Variants in SCNN1D observed in about 807,000 individuals in gnomAD.
The protein encoded by SCNN1D is epithelial sodium channel subunit delta.
SCNN1D carries 104 observed loss-of-function variants against 87.8 expected under a neutral mutation model. That is an observed-to-expected ratio of 1.18 (90% confidence interval 1.01 to 1.39). The LOEUF is 1.39. SCNN1D is among the 40% of genes most tolerant of loss of function. SCNN1D has a pLI of 0.00. For synonymous variants in SCNN1D, 628 were observed against 481.2 expected (o/e 1.31, Z -3.99); for missense variants, 1,324 against 1,093.9 (o/e 1.21, Z -2.97).
chr1:1,283,203 C>T (rs551513270), intron 4 of SCNN1D, among the ~76,000 whole-genome samples: 29 of 152,276 alleles, frequency 1.9e-4, no homozygotes, highest in Admixed American at 3.9e-4. Flanking sequence ...TGTGCCTACT[C>T]GGGGGAGCAG....
At chr1:1,281,843 C>A in intron 3 of SCNN1D, 1 of 588,202 alleles carries the variant, frequency 1.7e-6, no homozygotes, top group Non-Finnish European at 3.0e-6. Context: ...GACCTGGGCT[C>A]TTTCTCTCTC....
intron 9 of SCNN1D, 64 bp downstream of exon 9, chr1:1,287,363 G>C: frequency 1.3e-6 from 2 of 1,500,842 alleles, no homozygotes; most frequent in Non-Finnish European, 1.8e-6. Flanking sequence ...CGCACCCCTG[G>C]GGTCCCTCTG....
intron 4 of SCNN1D, among the ~76,000 whole-genome samples, chr1:1,282,569 C>T (rs1159873743): frequency 2.6e-5 from 4 of 152,286 alleles, no homozygotes; most frequent in Middle Eastern, 3.4e-3. Context: ...CACACAACCG[C>T]ACTGGGGCTG....
Position 1,290,352 on chromosome 1 carries a change from GC to G in SCNN1D, c.1745del (p.Ala582ValfsTer65). The G allele has an allele frequency of 6.3e-7, 1 of 1,597,596 alleles. No individual in the cohort carries two copies. The highest frequency in any genetic ancestry group is 8.5e-7 in the Non-Finnish European group (1 of 1,170,370). On this transcript the variant is annotated frameshift_variant, in exon 13 of 18. Coordinates refer to ENST00000379116, the MANE Select transcript of SCNN1D (RefSeq NM_001130413.4). LOFTEE classifies it high-confidence loss of function. ...GYYLHPLPAGAEYCSSARHPA... is the reference protein window; with the variant it reads ...GYYLHPLPAGXEYCSSARHPA... ...CTACCTCCACCCTCTGCCGGCGGGG[GC>G]TGAGTACTGCAGCTCTGCCCGGCAC...
intron 14 of SCNN1D, 25 bp from the exon 15 acceptor site, chr1:1,290,612 G>C (rs1640775889): frequency 1.2e-6 from 2 of 1,612,628 alleles, no homozygotes; most frequent in Non-Finnish European, 1.7e-6. Context: ...TAGCGTGGCA[G>C]GTGACACCCG....
intron 1 of SCNN1D, 91 bp from the exon 2 acceptor site, chr1:1,281,135 G>C (rs1337517533): frequency 8.3e-7 from 1 of 1,211,990 alleles, no homozygotes; most frequent in Non-Finnish European, 1.2e-6. Context: ...GACCCTGAGT[G>C]GGGGACGCTC....
intron 4 of SCNN1D, 117 bp downstream of exon 4, chr1:1,282,432 G>A: frequency 1.6e-6 from 2 of 1,214,010 alleles, no homozygotes; most frequent in Non-Finnish European, 2.3e-6. Context: ...CAGGAACACA[G>A]AGCCTACCCT....
chr1:1,288,605 TCC>T (rs756870766), intron 12 of SCNN1D, among the ~76,000 whole-genome samples: 218 of 2,952 alleles, frequency 0.074, no homozygotes, highest in Middle Eastern at 0.17. Context: ...CTCTGCTCCG[TCC>T]CCCGTGTCTC....
Position 1,291,340 on chromosome 1 carries a change from G to A in SCNN1D, c.2139G>A (p.Leu713=), listed in dbSNP as rs1640808033. The change falls in exon 18 of 18, where the codon CTG becomes CTA. Residue 713 remains leucine, a synonymous_variant. Coordinates refer to ENST00000379116, the MANE Select transcript of SCNN1D (RefSeq NM_001130413.4). The stretch of plus-strand genomic sequence containing the variant: ...TCTCCCTCCTGGAGCTCCTGGAGCT[G>A]CTGCTCGATGCTTCTGCCCTCACCC... ...SVLSLLELLE[L]LLDASALTLV... The A allele has an allele frequency of 6.2e-7, 1 of 1,604,698 alleles. No homozygotes were observed.
Position 1,290,137 on chromosome 1 carries a change from T to C in SCNN1D, c.1663-134T>C, listed in dbSNP as rs912692177. The stretch of plus-strand genomic sequence containing the variant: ...GTGTCTCTGCTCCGTCCCCCGTGTC[T>C]CTGCTCCGTCCCGTGTCTCTGCTCC... On this transcript the variant is annotated intron_variant, in intron 12 of 17. Transcript: ENST00000379116. 1,388 of 490,420 alleles carry C rather than the reference T, an allele frequency of 2.8e-3. 14 individuals are homozygous for C. Among genetic ancestry groups the C allele is most frequent in the Middle Eastern group, 3.1e-3 (8 of 2,604 alleles). 30.4% of individuals were successfully genotyped at this position (490,420 alleles called of 1,614,324 possible).
intron 4 of SCNN1D, among the ~76,000 whole-genome samples, chr1:1,283,446 C>G (rs1204185058): frequency 6.6e-6 from 1 of 152,122 alleles, no homozygotes; most frequent in Non-Finnish European, 1.5e-5. Context: ...CGCCTGTAAT[C>G]CTAGCACTTC....
chr1:1,288,137 G>A (rs1390895092), intron 12 of SCNN1D, 100 bp downstream of exon 12: 1 of 902,584 alleles, frequency 1.1e-6, no homozygotes, highest in Non-Finnish European at 1.7e-6. Context: ...GAGTACTAGA[G>A]GGCCTGGGAA....
In SCNN1D at chr1:1,288,278, C is replaced by T. The variant is rs1390928261; in HGVS notation, c.1662+241C>T. On this transcript the variant is annotated intron_variant, in intron 12 of 17. Coordinates refer to ENST00000379116, the MANE Select transcript of SCNN1D (RefSeq NM_001130413.4). ...CGTCCCGTGTCTCTGCTCCGTCCCCCGAGTCTCTGCTCCGTCCCGTGTCTG... is the reference window on the plus strand; with the variant it reads ...CGTCCCGTGTCTCTGCTCCGTCCCCTGAGTCTCTGCTCCGTCCCGTGTCTG... 3.0e-3 allele frequency among the ~76,000 whole-genome samples: 206 copies of T among 68,080 alleles called. 6 individuals are homozygous for T. The East Asian group carries it at 0.094, about 31-fold the overall frequency. 44.7% of individuals were successfully genotyped at this position (68,080 alleles called of 152,430 possible). A position where few individuals can be genotyped will look rare whatever the true frequency, so the allele number is the denominator to read the frequency against.
In SCNN1D at chr1:1,291,767, T is replaced by C; in HGVS notation, c.*157T>C. 1.9e-6 allele frequency: 1 copy of C among 538,890 alleles called. No individual in the cohort carries two copies. Among genetic ancestry groups the C allele is most frequent in the Non-Finnish European group, 3.1e-6 (1 of 317,704 alleles). 33.4% of individuals were successfully genotyped at this position (538,890 alleles called of 1,614,324 possible). A position where few individuals can be genotyped will look rare whatever the true frequency, so the allele number is the denominator to read the frequency against. ...GCACCGGGCATGTCGGCGCCTCTGG[T>C]CAAACCACCTACACTGCCTGGGGTG... On this transcript the variant is annotated 3_prime_UTR_variant, in exon 18 of 18. Transcript: ENST00000379116.
At chr1:1,286,618 A>G in intron 7 of SCNN1D, 150 bp from the exon 8 acceptor site, 1 of 758,538 alleles carries the variant, frequency 1.3e-6, no homozygotes, top group Non-Finnish European at 2.1e-6. Context: ...ACCGGCAGCC[A>G]CGGCCTCCAA....
chr1:1,283,470 G>A lies in SCNN1D; in HGVS notation c.352-508G>A, dbSNP rs577484267. On this transcript the variant is annotated intron_variant, in intron 4 of 17. Transcript: ENST00000379116. ...TCCTAGCACTTCGGGAGGCTAAGGC[G>A]GGCGGATCACCTGAGGTTGGGAGTT... Among the ~76,000 whole-genome samples the A allele has an allele frequency of 3.0e-4, 46 of 152,180 alleles. 1 individual carries two copies. The South Asian group carries it at 8.9e-3, about 29-fold the overall frequency.
At chr1:1,291,044 C>T (rs778788353) in intron 16 of SCNN1D, 21 bp from the exon 17 acceptor site, 4 of 1,609,922 alleles carry the variant, frequency 2.5e-6, no homozygotes, top group Non-Finnish European at 3.4e-6. Context: ...CCAGCGCCCT[C>T]ATGCCTCTAT....
At position 1,281,932 on chromosome 1, in the gene SCNN1D, A is replaced by C. The variant is rs983998876; in HGVS notation, c.278-310A>C. On this transcript the variant is annotated intron_variant, in intron 3 of 17. Coordinates refer to ENST00000379116, the MANE Select transcript of SCNN1D (RefSeq NM_001130413.4). The stretch of plus-strand genomic sequence containing the variant: ...GAGGCACAGGCTGCTTCCAGCCACA[A>C]TCTCTGGCAAGCACCTAGGACCTTG... 5 of 561,102 alleles carry C rather than the reference A, an allele frequency of 8.9e-6. No individual in the cohort carries two copies. In the Admixed American group the frequency reaches 1.4e-4, roughly 15 times the overall value. 34.8% of individuals were successfully genotyped at this position (561,102 alleles called of 1,614,324 possible). A position where few individuals can be genotyped will look rare whatever the true frequency, so the allele number is the denominator to read the frequency against.
In SCNN1D at chr1:1,291,113, C is replaced by T; in HGVS notation, c.2025C>T (p.Arg675=). The T allele has an allele frequency of 6.2e-7, 1 of 1,612,378 alleles. No individual in the cohort carries two copies. The highest frequency in any genetic ancestry group is 1.1e-5 in the South Asian group (1 of 91,028). The change falls in exon 17 of 18, where the codon CGC becomes CGT. Residue 675 remains arginine, a synonymous_variant. Transcript: ENST00000379116. ...INIVYQELNY[R]SVEEAPVYSV... is the part of the protein sequence containing the mutation. ...TCGTCTACCAGGAGCTCAACTACCG[C>T]TCAGTGGAGGAGGCGCCCGTGTACT...
Sources: allele counts gnomAD v4.1 joint callset (sites outside exome capture counted in the v4.1 genomes callset), GRCh38; gene constraint gnomAD v4.1.1; transcripts MANE v1.5; gene names NCBI Gene and HGNC (gene_info 2026-07-23, HGNC 2026-07-21).